OR51B5: variants seen among roughly 807,000 people sequenced by gnomAD.
OR51B5 encodes the protein olfactory receptor 51B5.
For synonymous variants in OR51B5, 186 were observed against 144.8 expected (o/e 1.28, Z -2.04); for missense variants, 456 against 374.6 (o/e 1.22, Z -1.79).
intron 1 of OR51B5, among the ~76,000 whole-genome samples, chr11:5,487,350 C>T (rs1451708581): frequency 6.6e-6 from 1 of 152,130 alleles, no homozygotes; most frequent in African/African-American, 2.4e-5. Flanking sequence ...TTGTCAACCA[C>T]AAAATTTTGT....
intron 1 of OR51B5, among the ~76,000 whole-genome samples, chr11:5,472,588 T>C (rs185271803): frequency 6.6e-6 from 1 of 152,190 alleles, no homozygotes; most frequent in Non-Finnish European, 1.5e-5. Context: ...CAGCAGGGAT[T>C]CTAAAAAATC....
chr11:5,456,394 T>C (rs1211125515), intron 1 of OR51B5: 1 of 152,190 alleles, frequency 6.6e-6, no homozygotes, highest in African/African-American at 2.4e-5. Flanking sequence ...AAGAAAAATG[T>C]AGGGCCACTC....
intron 1 of OR51B5, among the ~76,000 whole-genome samples, chr11:5,462,535 G>A (rs2133794649): frequency 6.6e-6 from 1 of 152,292 alleles, no homozygotes; most frequent in East Asian, 1.9e-4. Flanking sequence ...CTTTGCTCTT[G>A]TGGTTATAGT....
Position 5,454,127 on chromosome 11 carries a change from T to C in OR51B5, n.84+51442A>G, listed in dbSNP as rs774344401. On this transcript the variant is annotated intron_variant and non_coding_transcript_variant, in intron 1 of 4. Coordinates refer to the OR51B5 transcript ENST00000415970. ...CCACCTTTGGCATGGACCTGTTTTT[T>C]ATCTTCCTCTCCTATGTGCTCATTC... is the stretch of plus-strand genomic sequence containing the variant. 3.1e-6 allele frequency: 5 copies of C among 1,614,100 alleles called. No individual in the cohort carries two copies. The African/African-American group carries it at 4.0e-5, about 13-fold the overall frequency.
rs926699013 is a variant in OR51B5 at position 5,383,488 on chromosome 11, C to T, written n.85-36578G>A. On this transcript the variant is annotated intron_variant and non_coding_transcript_variant, in intron 1 of 4. Transcript: ENST00000415970. ...GATAATCCTCTTCATATACTACATC[C>T]GACCTCTCTGGAAAACGACGGGTCC... Among the ~76,000 whole-genome samples, 8 of 152,228 alleles carry T rather than the reference C, an allele frequency of 5.3e-5. No individual in the cohort carries two copies. The South Asian group carries it at 1.2e-3, about 24-fold the overall frequency.
At chr11:5,396,118 T>A (rs987193496) in intron 1 of OR51B5, among the ~76,000 whole-genome samples, 5 of 152,186 alleles carry the variant, frequency 3.3e-5, no homozygotes, top group Non-Finnish European at 7.4e-5. Context: ...GACACTGCTC[T>A]TAACCACACT....
intron 1 of OR51B5, among the ~76,000 whole-genome samples, chr11:5,421,336 G>A (rs1488016925): frequency 6.6e-6 from 1 of 152,212 alleles, no homozygotes; most frequent in Non-Finnish European, 1.5e-5. Flanking sequence ...GGTGACGAGG[G>A]TACCTCCAAG....
chr11:5,435,552 C>T (rs566504742), intron 1 of OR51B5, among the ~76,000 whole-genome samples: 5 of 46,692 alleles, frequency 1.1e-4, no homozygotes, highest in African/African-American at 2.3e-4. Flanking sequence ...GGGTCAAATA[C>T]CTAACAGATG....
intron 1 of OR51B5, chr11:5,489,594 T>A (rs774973510): frequency 1.2e-6 from 2 of 1,614,010 alleles, no homozygotes; most frequent in South Asian, 2.2e-5. Context: ...CTATTCTCTA[T>A]GGAGCTAGAA....
At chr11:5,372,667 G>T (rs750990909) in intron 1 of OR51B5, among the ~76,000 whole-genome samples, 1 of 152,096 alleles carries the variant, frequency 6.6e-6, no homozygotes, top group Non-Finnish European at 1.5e-5. Flanking sequence ...TATTAGACTT[G>T]TATCAGATAT....
chr11:5,400,221 A>G (rs1255004404), intron 1 of OR51B5, among the ~76,000 whole-genome samples: 1 of 152,156 alleles, frequency 6.6e-6, no homozygotes, highest in African/African-American at 2.4e-5. Context: ...ATAATCTACT[A>G]TGTTACGTTG....
intron 1 of OR51B5, among the ~76,000 whole-genome samples, chr11:5,409,284 T>G (rs1850107425): frequency 6.6e-6 from 1 of 152,126 alleles, no homozygotes; most frequent in South Asian, 2.1e-4. Context: ...TGGAGGCATA[T>G]GTCAATTCTC....
intron 1 of OR51B5, among the ~76,000 whole-genome samples, chr11:5,444,447 G>T (rs189783753): frequency 4.6e-5 from 7 of 152,296 alleles, no homozygotes; most frequent in African/African-American, 1.7e-4. Context: ...CTGGCATCAG[G>T]TGTCTGTGAT....
At chr11:5,429,612 T>C (rs1197872034) in intron 1 of OR51B5, among the ~76,000 whole-genome samples, 7 of 151,956 alleles carry the variant, frequency 4.6e-5, no homozygotes, top group African/African-American at 1.7e-4. Context: ...GCAGGAAGCC[T>C]AGGCAAACAT....
intron 1 of OR51B5, chr11:5,403,218 AC>A: frequency 2.1e-6 from 1 of 471,246 alleles, no homozygotes; most frequent in East Asian, 6.9e-5. Flanking sequence ...TGTTACCTCT[AC>A]TTTTGGGCTG....
Position 5,351,887 on chromosome 11 carries a change from C to A in OR51B5, n.85-4977G>T, listed in dbSNP as rs1315730841. On this transcript the variant is annotated intron_variant and non_coding_transcript_variant, in intron 1 of 4. Transcript: ENST00000415970. ...GACTGTTTCATTACCATCCGCAGCC[C>A]CTTAAGATATACCTCTATCCTGACC... 5.6e-6 allele frequency: 9 copies of A among 1,612,968 alleles called. No homozygotes were observed. Among genetic ancestry groups the A allele is most frequent in the Admixed American group, 1.7e-5 (1 of 59,968 alleles).
chr11:5,351,828 C>T (rs1849093810), intron 1 of OR51B5: 1 of 1,613,990 alleles, frequency 6.2e-7, no homozygotes, highest in Non-Finnish European at 8.5e-7. Flanking sequence ...CTCTTTCTGT[C>T]ATGGAGTCAG....
At chr11:5,372,869 T>C (rs1386894714) in intron 1 of OR51B5, among the ~76,000 whole-genome samples, 1 of 152,132 alleles carries the variant, frequency 6.6e-6, no homozygotes, top group Non-Finnish European at 1.5e-5. Flanking sequence ...GCCAAAACAA[T>C]CTTGAGAAAG....
intron 1 of OR51B5, among the ~76,000 whole-genome samples, chr11:5,398,225 A>T (rs2133737965): frequency 6.6e-6 from 1 of 152,280 alleles, no homozygotes; most frequent in South Asian, 2.1e-4. Flanking sequence ...AGAAAAAAGA[A>T]ATTTACATAT....
Sources: allele counts gnomAD v4.1 joint callset (sites outside exome capture counted in the v4.1 genomes callset), GRCh38; gene constraint gnomAD v4.1.1; transcripts MANE v1.5; gene names NCBI Gene and HGNC (gene_info 2026-07-23, HGNC 2026-07-21).